ZIM3: variants seen among roughly 807,000 people sequenced by gnomAD.
ZIM3 encodes zinc finger protein 657.
Under a neutral mutation model 12.9 loss-of-function variants are expected in ZIM3, and 11 were observed. The ratio of observed to expected loss-of-function variants is 0.85; its 90% CI spans 0.54 to 1.41. The LOEUF (loss-of-function observed/expected upper bound fraction) is 1.41, where lower values mean the gene tolerates loss of function less well. ZIM3 is among the 40% of genes most tolerant of loss of function. The probability of loss-of-function intolerance (pLI) is 0.00; values close to 1 mark genes in which losing one functional copy is unlikely to be tolerated. For missense variants in ZIM3, 604 were observed against 557.2 expected, an observed-to-expected ratio of 1.08 and a Z score of -0.85; for synonymous variants, 205 against 198.5, an observed-to-expected ratio of 1.03 and a Z score of -0.28.
intron 4 of ZIM3, among the ~76,000 whole-genome samples, 197 bp downstream of exon 4, chr19:57,136,676 A>AG (rs926225648): frequency 1.3e-5 from 1 of 77,020 alleles, no homozygotes; most frequent in African/African-American, 6.0e-5. Context: ...AAAAAAAAAA[A>AG]GAAAAAAAAA....
chr19:57,140,508 T>C (rs1394904985), intron 2 of ZIM3, among the ~76,000 whole-genome samples: 1 of 149,110 alleles, frequency 6.7e-6, no homozygotes, highest in East Asian at 2.0e-4. Context: ...AGGTTCTTGC[T>C]CTGCCACCCA....
Position 57,134,778 on chromosome 19 carries a change from T to G in ZIM3, c.*140A>C. ...TTGCTGAGTGAGTATGCCGAATGGGTTTTCAAAGGATACTGTGATAATAAG... is the reference window on the plus strand; with the variant it reads ...TTGCTGAGTGAGTATGCCGAATGGGGTTTCAAAGGATACTGTGATAATAAG... On this transcript the variant is annotated 3_prime_UTR_variant, in exon 5 of 5. Coordinates refer to ENST00000269834, the MANE Select transcript of ZIM3 (RefSeq NM_052882.1). 1 of 818,410 alleles carries G rather than the reference T, an allele frequency of 1.2e-6. No individual in the cohort carries two copies. The highest frequency in any genetic ancestry group is 1.9e-6 in the Non-Finnish European group (1 of 527,370). 50.7% of individuals were successfully genotyped at this position (818,410 alleles called of 1,614,324 possible).
At chr19:57,136,804 T>A (rs556907369) in intron 4 of ZIM3, 69 bp downstream of exon 4, 1 of 1,382,116 alleles carries the variant, frequency 7.2e-7, no homozygotes, top group African/African-American at 1.4e-5. Context: ...GCCAAACGAC[T>A]TCCTCATTTA....
In ZIM3 at chr19:57,138,452, G is replaced by T; in HGVS notation, c.142+20C>A. On this transcript the variant is annotated intron_variant, in intron 3 of 4. Coordinates refer to ENST00000269834, the MANE Select transcript of ZIM3 (RefSeq NM_052882.1). ...CACGCCTTAGGTTTTGAGTCCCCCTGCCCGGGAAGCCGTCCTTACCCACAG... is the reference window on the plus strand; with the variant it reads ...CACGCCTTAGGTTTTGAGTCCCCCTTCCCGGGAAGCCGTCCTTACCCACAG... The T allele has an allele frequency of 1.9e-6, 3 of 1,613,986 alleles. No individual in the cohort carries two copies. Among genetic ancestry groups the T allele is most frequent in the Middle Eastern group, 1.7e-4 (1 of 6,028 alleles).
At chr19:57,143,643 A>C (rs1454370687) in intron 1 of ZIM3, among the ~76,000 whole-genome samples, 2 of 151,154 alleles carry the variant, frequency 1.3e-5, no homozygotes, top group Non-Finnish European at 2.9e-5. Context: ...TTGGAAAGCC[A>C]AGGTGGGAGG....
rs141429282 is a variant in ZIM3 at position 57,135,995 on chromosome 19, C to T, written c.342G>A (p.Thr114=). The change falls in exon 5 of 5, where the codon ACG becomes ACA. Residue 114 remains threonine, a synonymous_variant. Transcript: ENST00000269834. ...VPSINKETLT[T]QKGVECDGSK... ...ATCCGTCACATTCTACACCTTTCTG[C>T]GTAGTCAGCGTTTCCTTATTGATTG... 15 of 1,614,028 alleles carry T rather than the reference C, an allele frequency of 9.3e-6. No homozygotes were observed. The African/African-American group carries it at 1.2e-4, about 13-fold the overall frequency.
intron 4 of ZIM3, among the ~76,000 whole-genome samples, chr19:57,136,518 G>A (rs748310320): frequency 4.6e-5 from 7 of 151,870 alleles, no homozygotes; most frequent in African/African-American, 1.5e-4. Flanking sequence ...CAAAAAATTC[G>A]CCGGGCATGG....
intron 1 of ZIM3, among the ~76,000 whole-genome samples, chr19:57,143,559 G>C (rs1158419157): frequency 6.6e-6 from 1 of 151,994 alleles, no homozygotes; most frequent in Non-Finnish European, 1.5e-5. Flanking sequence ...GGGACAGCTG[G>C]ATCATTGGTA....
rs144011680 is a variant in ZIM3, at chr19:57,135,795, C to A, written c.542G>T (p.Arg181Leu). 44 of 1,613,892 alleles carry A rather than the reference C, an allele frequency of 2.7e-5. 1 individual carries two copies. The East Asian group carries it at 9.8e-4, about 36-fold the overall frequency. Reference sequence around the variant, plus strand: ...ATGCCTCCTCAGGTGACTTTGAAGGCGTGACTTTGAACTGAATAACTTTCT... The same window carrying A: ...ATGCCTCCTCAGGTGACTTTGAAGGAGTGACTTTGAACTGAATAACTTTCT... Reference protein sequence around the residue: ...ACRKLFSSKSRLQSHLRRHAC... With the variant: ...ACRKLFSSKSLLQSHLRRHAC... Residue 181 changes from arginine (R) to leucine (L), a missense_variant, in exon 5 of 5, where the codon CGC becomes CTC. Arg to Leu is a moderately radical substitution (Grantham distance 102). Transcript: ENST00000269834.
chr19:57,142,537 T>G, intron 2 of ZIM3, 92 bp downstream of exon 2: 1 of 1,381,416 alleles, frequency 7.2e-7, no homozygotes, highest in Non-Finnish European at 1.0e-6. Flanking sequence ...GAGGAAAATA[T>G]GCCAAAAGGT....
rs544101960 is a variant in ZIM3 at position 57,136,800 on chromosome 19, C to T, written c.241+73G>A. On this transcript the variant is annotated intron_variant, in intron 4 of 4. Coordinates refer to ENST00000269834, the MANE Select transcript of ZIM3 (RefSeq NM_052882.1). Reference sequence around the variant, plus strand: ...CAGGAAGTCACAGCTGGCTGCCAAACGACTTCCTCATTTAGAAAAGCTGAA... The same window carrying T: ...CAGGAAGTCACAGCTGGCTGCCAAATGACTTCCTCATTTAGAAAAGCTGAA... The T allele has an allele frequency of 1.6e-5, 21 of 1,329,106 alleles. No individual in the cohort carries two copies. The African/African-American group carries it at 1.9e-4, about 12-fold the overall frequency. The allele number at this position is 1,329,106 out of a possible 1,614,324, so 82.3% of individuals were successfully genotyped here.
chr19:57,139,906 G>A (rs893376621), intron 2 of ZIM3, among the ~76,000 whole-genome samples: 14 of 152,214 alleles, frequency 9.2e-5, no homozygotes, highest in African/African-American at 3.1e-4. Flanking sequence ...AGGGGCCAGC[G>A]TCTGGCATGT....
intron 2 of ZIM3, among the ~76,000 whole-genome samples, chr19:57,139,092 C>T (rs372171508): frequency 1.3e-5 from 2 of 151,754 alleles, no homozygotes; most frequent in Non-Finnish European, 2.9e-5. Context: ...TTTGGGAGGC[C>T]GAGGCGGGTG....
chr19:57,140,351 A>C (rs533262645), intron 2 of ZIM3, among the ~76,000 whole-genome samples: 1 of 151,498 alleles, frequency 6.6e-6, no homozygotes, highest in Admixed American at 6.6e-5. Context: ...TAATTTTTGT[A>C]CTTTTAGTAG....
intron 1 of ZIM3, among the ~76,000 whole-genome samples, chr19:57,144,309 C>T (rs2086927857): frequency 6.6e-6 from 1 of 152,110 alleles, no homozygotes; most frequent in Non-Finnish European, 1.5e-5. Flanking sequence ...CTCAGCCTCC[C>T]CAAATCCTGG....
In ZIM3 at chr19:57,134,774, TG is replaced by T. The variant is rs2086877123; in HGVS notation, c.*143del. ...ACATTTGCTGAGTGAGTATGCCGAA[TG>T]GGTTTTCAAAGGATACTGTGATAAT... On this transcript the variant is annotated 3_prime_UTR_variant, in exon 5 of 5. Coordinates refer to ENST00000269834, the MANE Select transcript of ZIM3 (RefSeq NM_052882.1). 1.6e-5 allele frequency: 12 copies of T among 754,730 alleles called. No individual in the cohort carries two copies. The South Asian group carries it at 1.9e-4, about 12-fold the overall frequency. The allele number at this position is 754,730 out of a possible 1,614,324, so 46.8% of individuals were successfully genotyped here.
rs1448987518 is a variant in ZIM3 at position 57,136,941 on chromosome 19, A to T, written c.173T>A (p.Ile58Asn). ...GQGETTKPDV[I>N]LRLEQGKEPW... ...CTCCTTTCCTTGTTCCAACCTCAAG[A>T]TCACATCGGGTTTGGTGGTTTCCCC... Residue 58 changes from isoleucine (I) to asparagine (N), a missense_variant, in exon 4 of 5, where the codon ATC (isoleucine) becomes AAC (asparagine). Transcript: ENST00000269834. 1.2e-6 allele frequency: 2 copies of T among 1,614,160 alleles called. No homozygotes were observed. The highest frequency in any genetic ancestry group is 1.7e-6 in the Non-Finnish European group (2 of 1,180,036).
intron 1 of ZIM3, 93 bp from the exon 2 acceptor site, chr19:57,142,778 A>C: frequency 2.0e-6 from 2 of 977,998 alleles, no homozygotes; most frequent in Admixed American, 2.1e-5. Context: ...CCTGGATAAA[A>C]GCTCTCCCTA....
At chr19:57,143,345 A>AG (rs562548286) in intron 1 of ZIM3, among the ~76,000 whole-genome samples, 5,897 of 124,636 alleles carry the variant, frequency 0.047, 539 homozygotes, top group East Asian at 0.41. Context: ...AAAAAAAAAA[A>AG]GAGAGAGAGA....
Sources: allele counts gnomAD v4.1 joint callset (sites outside exome capture counted in the v4.1 genomes callset), GRCh38; gene constraint gnomAD v4.1.1; transcripts MANE v1.5; gene names NCBI Gene and HGNC (gene_info 2026-07-23, HGNC 2026-07-21).